LTBP1: variants seen among roughly 807,000 people sequenced by gnomAD.
LTBP1 encodes latent transforming growth factor beta binding protein 1.
Under a neutral mutation model 207.6 loss-of-function variants are expected in LTBP1, and 129 were observed. That is an observed-to-expected ratio of 0.62 (90% CI 0.54 to 0.72). The LOEUF is 0.72. Ranked by LOEUF, LTBP1 falls within the 30% of genes least tolerant of loss-of-function variation. The pLI, the probability that LTBP1 is intolerant of heterozygous loss-of-function variation, is 0.00. For synonymous variants in LTBP1, 963 were observed against 833.7 expected (o/e 1.16, Z -2.67); for missense variants, 2,281 against 2,217.2 (o/e 1.03, Z -0.58).
At chr2:33,091,231 T>C (rs1033201573) in intron 3 of LTBP1, among the ~76,000 whole-genome samples, 5 of 152,160 alleles carry the variant, frequency 3.3e-5, no homozygotes, top group African/African-American at 1.2e-4. Context: ...GTGTGTCATC[T>C]CCTCCCATGG....
rs1171951122 is a variant in LTBP1 at position 33,364,349 on chromosome 2, G to A, written c.4533G>A (p.Glu1511=). The A allele has an allele frequency of 1.2e-6, 2 of 1,612,926 alleles. No homozygotes were observed. The highest frequency in any genetic ancestry group is 2.7e-5 in the African/African-American group (2 of 74,846). The stretch of plus-strand genomic sequence containing the variant: ...AAAAAAGATGTATACGACCGGCTGA[G>A]TCAAACGGTATGTTTCCAGGAGATG... ...ASEKRCIRPA[E]SNEQIEETDV... The change falls in exon 30 of 34, where the codon GAG becomes GAA. Residue 1511 remains glutamate, a synonymous_variant. Transcript: ENST00000404816.
At chr2:32,954,550 C>G (rs1044895698) in intron 2 of LTBP1, among the ~76,000 whole-genome samples, 15 of 142,158 alleles carry the variant, frequency 1.1e-4, no homozygotes, top group Middle Eastern at 3.4e-3. Context: ...CACTCCCCGC[C>G]CCCCCCCACC....
intron 9 of LTBP1, among the ~76,000 whole-genome samples, chr2:33,243,260 T>G (rs2092396643): frequency 6.6e-6 from 1 of 152,234 alleles, no homozygotes; most frequent in Admixed American, 6.5e-5. Context: ...TGTGATGACT[T>G]GGACTGCTTT....
At chr2:33,357,053 G>T (rs2094871218) in intron 26 of LTBP1, among the ~76,000 whole-genome samples, 1 of 152,192 alleles carries the variant, frequency 6.6e-6, no homozygotes. Context: ...TAAATGGAAA[G>T]GGAGAGCCCA....
chr2:32,975,608 T>TTTTTTTTTTTTTTTTTTTTTTTTTG (rs1681628170), intron 2 of LTBP1, among the ~76,000 whole-genome samples: 1 of 135,192 alleles, frequency 7.4e-6, no homozygotes, highest in African/African-American at 2.8e-5. Context: ...TTTTTTTTTT[T>TTTTTTTTTTTTTTTTTTTTTTTTTG]TTTTTTTTTT....
chr2:33,393,012 C>T (rs2095328080), intron 32 of LTBP1, among the ~76,000 whole-genome samples: 1 of 151,602 alleles, frequency 6.6e-6, no homozygotes, highest in Non-Finnish European at 1.5e-5. Flanking sequence ...TAAAATGGGC[C>T]TGCCATGGAT....
chr2:33,198,355 T>G (rs1401128405), intron 7 of LTBP1, among the ~76,000 whole-genome samples: 1 of 152,222 alleles, frequency 6.6e-6, no homozygotes, highest in East Asian at 1.9e-4. Flanking sequence ...TGGTCTAAAA[T>G]TCTCTTTTTT....
chr2:33,182,687 G>GAGATAGATATATATATATAT (rs1469125010), intron 5 of LTBP1, among the ~76,000 whole-genome samples: 4 of 67,028 alleles, frequency 6.0e-5, no homozygotes. Context: ...AAAAGATGGT[G>GAGATAGATATATATATATAT]ATATATATAT....
chr2:33,282,591 C>T (rs2093581897), intron 19 of LTBP1, among the ~76,000 whole-genome samples: 2 of 152,196 alleles, frequency 1.3e-5, no homozygotes, highest in South Asian at 4.1e-4. Flanking sequence ...TTAATGACTG[C>T]CCAGCCCTAG....
At chr2:33,145,504 A>G (rs1217633214) in intron 5 of LTBP1, among the ~76,000 whole-genome samples, 1 of 152,230 alleles carries the variant, frequency 6.6e-6, no homozygotes, top group Non-Finnish European at 1.5e-5. Flanking sequence ...CTGGCAAGTT[A>G]GGAAGTATCC....
rs368486137 is a variant in LTBP1, at chr2:33,056,175, C to T, written c.863+34969C>T. 7.2e-5 allele frequency among the ~76,000 whole-genome samples: 11 copies of T among 152,122 alleles called. No individual in the cohort carries two copies. The South Asian group carries it at 1.7e-3, about 23-fold the overall frequency. On this transcript the variant is annotated intron_variant, in intron 3 of 33. Coordinates refer to ENST00000404816, the MANE Select transcript of LTBP1 (RefSeq NM_206943.4). ...CAGAGAGAGAATATTGGGGCCAAGC[C>T]GTAGCGCAGAAAAAAATGAGCCGCC... is the stretch of plus-strand genomic sequence containing the variant.
chr2:32,996,117 C>G (rs903623399), intron 2 of LTBP1, among the ~76,000 whole-genome samples: 2 of 152,140 alleles, frequency 1.3e-5, no homozygotes, highest in African/African-American at 4.8e-5. Flanking sequence ...GTTTGGAACT[C>G]TCTTAGTGTA....
At chr2:32,970,076 AT>A (rs903714412) in intron 2 of LTBP1, among the ~76,000 whole-genome samples, 24 of 152,142 alleles carry the variant, frequency 1.6e-4, no homozygotes, top group African/African-American at 5.3e-4. Flanking sequence ...TTTTAAAAAA[AT>A]GTCTGTTCAT....
At chr2:33,244,876 C>G (rs780433900) in intron 10 of LTBP1, among the ~76,000 whole-genome samples, 3 of 151,908 alleles carry the variant, frequency 2.0e-5, no homozygotes, top group Non-Finnish European at 2.9e-5. Flanking sequence ...ATCTATCTAT[C>G]TATCTATCTA....
At chr2:33,217,733 A>T (rs2090819776) in intron 8 of LTBP1, 79 bp downstream of exon 8, 1 of 965,094 alleles carries the variant, frequency 1.0e-6, no homozygotes, top group Admixed American at 2.0e-5. Flanking sequence ...ATGATGAGGC[A>T]ATATTAGACT....
intron 3 of LTBP1, among the ~76,000 whole-genome samples, chr2:33,050,551 T>TA (rs968236986): frequency 5.9e-5 from 9 of 151,644 alleles, no homozygotes; most frequent in Admixed American, 3.9e-4. Flanking sequence ...AACTCTGCTT[T>TA]AAAAAAAATA....
At chr2:33,216,745 C>A (rs898815676) in intron 7 of LTBP1, among the ~76,000 whole-genome samples, 1 of 152,128 alleles carries the variant, frequency 6.6e-6, no homozygotes, top group Admixed American at 6.5e-5. Flanking sequence ...TTGGATGGGT[C>A]CACAGAGCAG....
rs1199481852 is a variant in LTBP1 at position 33,134,162 on chromosome 2, A to G, written c.1034-631A>G. Among the ~76,000 whole-genome samples the G allele has an allele frequency of 6.6e-6, 1 of 152,240 alleles. No homozygotes were observed. The highest frequency in any genetic ancestry group is 6.5e-5 in the Admixed American group (1 of 15,288). Reference sequence around the variant, plus strand: ...CAGGAAAACAAAATATATGTTGCCTAAATTCTTATGGAGAAATAGTGCCCT... The same window carrying G: ...CAGGAAAACAAAATATATGTTGCCTGAATTCTTATGGAGAAATAGTGCCCT... On this transcript the variant is annotated intron_variant, in intron 4 of 33. Coordinates refer to ENST00000404816, the MANE Select transcript of LTBP1 (RefSeq NM_206943.4). This position sits in a 1 kb window ranked among gnomAD's most constrained non-coding sequence, Gnocchi z 4.4.
At chr2:33,352,535 G>GTT (rs1289620708) in intron 26 of LTBP1, among the ~76,000 whole-genome samples, 4 of 152,104 alleles carry the variant, frequency 2.6e-5, no homozygotes, top group Admixed American at 6.5e-5. Flanking sequence ...TATCCTGCCA[G>GTT]TTCTACCTCC....
Sources: gnomAD v4.1 joint callset for allele counts (sites outside exome capture counted in the v4.1 genomes callset) on GRCh38, gnomAD v4.1.1 for gene constraint, Gnocchi (gnomAD v3.1) non-coding constraint, MANE v1.5 for transcripts, NCBI Gene and HGNC (gene_info 2026-07-23, HGNC 2026-07-21) for gene names.